The following PMM2 variants were observed in gnomAD, a reference collection of about 807,000 sequenced individuals.
PMM2 encodes the protein phosphomannomutase 2, also known as mannose-6-phosphate isomerase.
A neutral mutation model predicts 33.2 loss-of-function variants in PMM2; 35 were observed. That is an observed-to-expected ratio of 1.06 (90% CI 0.81 to 1.40). The LOEUF is 1.40. Ranked by LOEUF, PMM2 falls within the 40% of genes most tolerant of loss-of-function variation. The probability of loss-of-function intolerance (pLI) is 0.00; values close to 1 mark genes in which losing one functional copy is unlikely to be tolerated. For synonymous variants in PMM2, 153 were observed against 114.7 expected, an observed-to-expected ratio of 1.33 and a Z score of -2.13; for missense variants, 386 against 306.0, an observed-to-expected ratio of 1.26 and a Z score of -1.95.
chr16:8,849,265 C>T lies in PMM2; in HGVS notation c.*1440C>T, dbSNP rs147950728. 5.9e-5 allele frequency: 9 copies of T among 152,404 alleles called. No individual in the cohort carries two copies. In the East Asian group the frequency reaches 1.7e-3, roughly 29 times the overall value. 9.4% of individuals were successfully genotyped at this position (152,404 alleles called of 1,614,324 possible). A position where few individuals can be genotyped will look rare whatever the true frequency, so the allele number is the denominator to read the frequency against. On this transcript the variant is annotated 3_prime_UTR_variant, in exon 8 of 8. Transcript: ENST00000268261. ...GCCATCCAGCGGCATCTTTCCTTGT[C>T]GAATGATACTGTAATGACCTTCCAA...
rs1555449820 is a variant in PMM2, at chr16:8,813,121, G to C, written c.639+15G>C. On this transcript the variant is annotated intron_variant, in intron 7 of 7. Transcript: ENST00000268261. ...AAACTATGCCAGTAAGTAGAGAAGT[G>C]TTTGTGCACCTTCATTGTTGCATTT... 1 of 1,454,004 alleles carries C rather than the reference G, an allele frequency of 6.9e-7. No homozygotes were observed. The highest frequency in any genetic ancestry group is 1.7e-5 in the Admixed American group (1 of 59,828). 90.1% of individuals were successfully genotyped at this position (1,454,004 alleles called of 1,614,324 possible).
At position 8,847,859 on chromosome 16, in the gene PMM2, A is replaced by G; in HGVS notation, c.*34A>G. The G allele has an allele frequency of 6.6e-7, 1 of 1,521,058 alleles. No homozygotes were observed. Among genetic ancestry groups the G allele is most frequent in the Non-Finnish European group, 9.1e-7 (1 of 1,099,184 alleles). 94.2% of individuals were successfully genotyped at this position (1,521,058 alleles called of 1,614,324 possible). On this transcript the variant is annotated 3_prime_UTR_variant, in exon 8 of 8. Transcript: ENST00000268261. ...CGGGAGGGGCGGGGTCCCGGCTGAC[A>G]AGCCAGCATAGGGCATTCGGTGGCC...
At position 8,804,031 on chromosome 16, in the gene PMM2, G is replaced by GTTTTTTTTTTTTTTTTTTTTTTT. The variant is rs752484926; in HGVS notation, c.179-716_179-715insTTTTTTTTTTTTTTTTTTTTTTT. Among the ~76,000 whole-genome samples, 38 of 87,488 alleles carry GTTTTTTTTTTTTTTTTTTTTTTT rather than the reference G, an allele frequency of 4.3e-4. 1 individual carries two copies. The highest frequency in any genetic ancestry group is 1.7e-3 in the African/African-American group (37 of 21,950). 57.4% of individuals were successfully genotyped at this position (87,488 alleles called of 152,430 possible). ...GTTTTTTGTTTTTTGGGTTTTTTTT[G>GTTTTTTTTTTTTTTTTTTTTTTT]TTTTTTTTTTTTTTTTTTTTGACGT... On this transcript the variant is annotated intron_variant, in intron 2 of 7. Coordinates refer to ENST00000268261, the MANE Select transcript of PMM2 (RefSeq NM_000303.3).
intron 4 of PMM2, 60 bp from the exon 5 acceptor site, chr16:8,811,019 C>T (rs2060674098): frequency 2.2e-6 from 1 of 456,172 alleles, no homozygotes; most frequent in Admixed American, 3.6e-5. Flanking sequence ...GGCTGTTTAT[C>T]TATGTTGCCC....
chr16:8,837,630 C>T lies in PMM2; in HGVS notation c.640-10094C>T, dbSNP rs760388783. Among the ~76,000 whole-genome samples the T allele has an allele frequency of 3.3e-5, 5 of 151,312 alleles. No individual in the cohort carries two copies. The South Asian group carries it at 6.3e-4, about 19-fold the overall frequency. ...AGATTGGGGCGCAGAAATAAGGGAT[C>T]GGGGCGCAGAGATACATGGGGTTGG... On this transcript the variant is annotated intron_variant, in intron 7 of 7. Coordinates refer to ENST00000268261, the MANE Select transcript of PMM2 (RefSeq NM_000303.3).
intron 7 of PMM2, chr16:8,832,276 G>A (rs535503823): frequency 4.7e-5 from 46 of 985,308 alleles, no homozygotes; most frequent in East Asian, 1.1e-4. Context: ...ATGCTCCTGC[G>A]AGCCGTGCGG....
At chr16:8,804,639 A>G (rs1414480753) in intron 2 of PMM2, 128 bp from the exon 3 acceptor site, 1 of 717,732 alleles carries the variant, frequency 1.4e-6, no homozygotes, top group Non-Finnish European at 2.5e-6. Context: ...TTAGTCTGTA[A>G]GATGAGATAG....
At chr16:8,822,432 G>T (rs542487769) in intron 7 of PMM2, among the ~76,000 whole-genome samples, 1 of 152,196 alleles carries the variant, frequency 6.6e-6, no homozygotes, top group Admixed American at 6.5e-5. Context: ...CAGGCAAGAA[G>T]GGGGTTTATT....
chr16:8,837,212 A>G (rs1485527630), intron 7 of PMM2, among the ~76,000 whole-genome samples: 1 of 151,998 alleles, frequency 6.6e-6, no homozygotes, highest in Non-Finnish European at 1.5e-5. Flanking sequence ...ACTGATGTGT[A>G]AAAGAATGCC....
intron 4 of PMM2, chr16:8,808,583 G>T (rs1195354201): frequency 6.6e-6 from 1 of 152,228 alleles, no homozygotes; most frequent in African/African-American, 2.4e-5. Flanking sequence ...TAAGACTTCA[G>T]AGAGCCCAGG....
At chr16:8,814,880 A>G (rs747510701) in intron 7 of PMM2, among the ~76,000 whole-genome samples, 8 of 152,184 alleles carry the variant, frequency 5.3e-5, no homozygotes, top group African/African-American at 1.2e-4. Flanking sequence ...TAAGTGTACA[A>G]TACAGTATTG....
chr16:8,825,480 T>C (rs2060761906), intron 7 of PMM2, among the ~76,000 whole-genome samples: 1 of 151,868 alleles, frequency 6.6e-6, no homozygotes, highest in South Asian at 2.1e-4. Context: ...CCACCACTCC[T>C]GGCTAATTTT....
chr16:8,840,966 G>A (rs2060886352), intron 7 of PMM2, among the ~76,000 whole-genome samples: 1 of 152,020 alleles, frequency 6.6e-6, no homozygotes, highest in South Asian at 2.1e-4. Context: ...TGGTGTCTGG[G>A]ATGAGGTTGG....
intron 7 of PMM2, among the ~76,000 whole-genome samples, chr16:8,838,517 A>G (rs1282523637): frequency 6.6e-6 from 1 of 151,918 alleles, no homozygotes; most frequent in African/African-American, 2.4e-5. Flanking sequence ...GGCTGCTTCA[A>G]GCGGGATTAG....
Position 8,797,921 on chromosome 16 carries a change from G to A in PMM2, c.39G>A (p.Val13=). ...GCCCAGCGCTCTGCCTCTTCGACGT[G>A]GATGGGACCCTCACCGCCCCGCGGC... ...APGPALCLFD[V]DGTLTAPRQK... is the part of the protein sequence containing the mutation. Residue 13 remains valine (V), a synonymous_variant, in exon 1 of 8, where the codon GTG becomes GTA. Transcript: ENST00000268261. 2 of 1,610,536 alleles carry A rather than the reference G, an allele frequency of 1.2e-6. No homozygotes were observed. Among genetic ancestry groups the A allele is most frequent in the African/African-American group, 1.3e-5 (1 of 75,044 alleles).
rs181353972 is a variant in PMM2 at position 8,831,547 on chromosome 16, G to A, written c.640-16177G>A. On this transcript the variant is annotated intron_variant, in intron 7 of 7. Transcript: ENST00000268261. Reference sequence around the variant, plus strand: ...GGGACCCTGTCTCAAAAATAAATAAGAGTCCCGACCACGAGCTACAGAGAG... The same window carrying A: ...GGGACCCTGTCTCAAAAATAAATAAAAGTCCCGACCACGAGCTACAGAGAG... Among the ~76,000 whole-genome samples the A allele has an allele frequency of 6.6e-5, 10 of 152,224 alleles. No individual in the cohort carries two copies. The East Asian group carries it at 1.9e-3, about 29-fold the overall frequency.
At chr16:8,844,652 C>G (rs2060913248) in intron 7 of PMM2, among the ~76,000 whole-genome samples, 1 of 152,192 alleles carries the variant, frequency 6.6e-6, no homozygotes, top group Non-Finnish European at 1.5e-5. Context: ...GGTGAATGAT[C>G]AGAGGCGTCC....
At chr16:8,825,741 C>A (rs1315642819) in intron 7 of PMM2, among the ~76,000 whole-genome samples, 1 of 146,140 alleles carries the variant, frequency 6.8e-6, no homozygotes, top group African/African-American at 2.5e-5. Context: ...AATCAGTGTT[C>A]AAAAATAAAA....
At chr16:8,805,400 CTG>C (rs2060641611) in intron 3 of PMM2, among the ~76,000 whole-genome samples, 1 of 152,092 alleles carries the variant, frequency 6.6e-6, no homozygotes, top group African/African-American at 2.4e-5. Flanking sequence ...TGGGGTCTTG[CTG>C]TGTTAACCAG....
Sources: gnomAD v4.1 joint callset for allele counts (sites outside exome capture counted in the v4.1 genomes callset) on GRCh38, gnomAD v4.1.1 for gene constraint, MANE v1.5 for transcripts, NCBI Gene and HGNC (gene_info 2026-07-23, HGNC 2026-07-21) for gene names.